RNF19A: variants seen among roughly 807,000 people sequenced by gnomAD.
The protein encoded by RNF19A is ring finger protein 19A, RBR E3 ubiquitin protein ligase, also known as E3 ubiquitin-protein ligase RNF19A.
RNF19A carries 32 observed loss-of-function variants against 75.7 expected under a neutral mutation model. The ratio of observed to expected loss-of-function variants is 0.42; its 90% CI spans 0.32 to 0.57. RNF19A has a LOEUF of 0.57. Ranked by LOEUF, RNF19A falls within the 20% of genes least tolerant of loss-of-function variation. The pLI is 0.10. For missense variants in RNF19A, 782 were observed against 1,036.3 expected (o/e 0.75, Z 3.37); for synonymous variants, 335 against 345.2 (o/e 0.97, Z 0.33).
At position 100,275,219 on chromosome 8, in the gene RNF19A, C is replaced by A. The variant is rs770154963; in HGVS notation, c.675-58G>T. On this transcript the variant is annotated intron_variant, in intron 2 of 9. Coordinates refer to ENST00000341084, the MANE Select transcript of RNF19A (RefSeq NM_183419.4). This position sits in a 1 kb window ranked among gnomAD's most constrained non-coding sequence, Gnocchi z 4.3. ...GACATAAAACAAGAGATACTCATTT[C>A]AAAAAGTATCCAACTAAAGATTATT... is the stretch of plus-strand genomic sequence containing the variant. 74 of 1,427,540 alleles carry A rather than the reference C, an allele frequency of 5.2e-5. No homozygotes were observed. The highest frequency in any genetic ancestry group is 7.0e-5 in the Non-Finnish European group (71 of 1,019,884). The allele number at this position is 1,427,540 out of a possible 1,614,324, so 88.4% of individuals were successfully genotyped here.
At position 100,275,616 on chromosome 8, in the gene RNF19A, A is replaced by G. The variant is rs190614836; in HGVS notation, c.675-455T>C. On this transcript the variant is annotated intron_variant, in intron 2 of 9. Transcript: ENST00000341084. The surrounding 1 kb of genome is among the most constrained non-coding windows in gnomAD (Gnocchi z 4.3). ...CCTAATCTCAATTTTATAAAAAACC[A>G]TATTAAATTAGTACAGTATTGTATG... is the stretch of plus-strand genomic sequence containing the variant. 1.1e-4 allele frequency among the ~76,000 whole-genome samples: 16 copies of G among 152,272 alleles called. No individual in the cohort carries two copies. The East Asian group carries it at 1.7e-3, about 17-fold the overall frequency.
rs1247053412 is a variant in RNF19A at position 100,268,824 on chromosome 8, A to G, written c.1152T>C (p.Pro384=). Residue 384 remains proline (P), a synonymous_variant, in exon 5 of 10, where the codon CCT becomes CCC. Transcript: ENST00000341084. The part of the protein sequence containing the change: ...GIALIAGIAI[P]AMIIGIPVYV... ...ACACAGGAATGCCAATAATCATTGC[A>G]GGAATAGCAATGCCAGCTATTAAAG... 2 of 1,592,280 alleles carry G rather than the reference A, an allele frequency of 1.3e-6. No homozygotes were observed. Among genetic ancestry groups the G allele is most frequent in the African/African-American group, 2.7e-5 (2 of 74,180 alleles).
intron 1 of RNF19A, among the ~76,000 whole-genome samples, chr8:100,315,668 T>C (rs1239496839): frequency 1.3e-5 from 2 of 152,176 alleles, no homozygotes; most frequent in Non-Finnish European, 2.9e-5. Context: ...GTTGTTGTTG[T>C]TGAGACAAGG....
chr8:100,293,970 CTGA>C (rs1296939287), intron 1 of RNF19A, among the ~76,000 whole-genome samples: 1 of 152,142 alleles, frequency 6.6e-6, no homozygotes, highest in Non-Finnish European at 1.5e-5. Flanking sequence ...TTCCATTTCT[CTGA>C]TGAGACTACC....
rs1393458300 is a variant in RNF19A, at chr8:100,329,371, G to A, written c.-243+6737C>T. The stretch of plus-strand genomic sequence containing the variant: ...AGCCATTCATGAGGGAAAAAAAAAA[G>A]ACTTGGGATTTTAATGTTCACAAGC... On this transcript the variant is annotated intron_variant, in intron 1 of 3. Coordinates refer to the RNF19A transcript ENST00000519527. The surrounding 1 kb of genome is among the most constrained non-coding windows in gnomAD (Gnocchi z 4.3). 2.0e-5 allele frequency among the ~76,000 whole-genome samples: 3 copies of A among 151,762 alleles called. No individual in the cohort carries two copies. Among genetic ancestry groups the A allele is most frequent in the Non-Finnish European group, 4.4e-5 (3 of 67,924 alleles).
chr8:100,290,283 G>T (rs1266865156), intron 1 of RNF19A, among the ~76,000 whole-genome samples: 1 of 152,122 alleles, frequency 6.6e-6, no homozygotes, highest in Admixed American at 6.5e-5. Context: ...TGTATTTTTA[G>T]TAGAGACAAG....
intron 2 of RNF19A, among the ~76,000 whole-genome samples, chr8:100,278,808 A>T (rs1820644849): frequency 1.3e-5 from 2 of 152,282 alleles, no homozygotes; most frequent in African/African-American, 2.4e-5. Context: ...AAAAAAAAGT[A>T]CTTCTTCTTG....
chr8:100,281,808 G>C (rs1820793637), intron 2 of RNF19A, among the ~76,000 whole-genome samples: 1 of 152,100 alleles, frequency 6.6e-6, no homozygotes. Context: ...AAAATTATTT[G>C]ATCCAGTTAA....
At chr8:100,262,642 G>C (rs1260299232) in intron 7 of RNF19A, among the ~76,000 whole-genome samples, 5 of 152,088 alleles carry the variant, frequency 3.3e-5, no homozygotes, top group African/African-American at 1.2e-4. Flanking sequence ...AAGCCACTGG[G>C]GAAGTTTTGA....
chr8:100,327,729 T>C (rs113440492), intron 1 of RNF19A, among the ~76,000 whole-genome samples: 1 of 152,274 alleles, frequency 6.6e-6, no homozygotes, highest in Non-Finnish European at 1.5e-5. Flanking sequence ...TAGGAAAACA[T>C]CCGGTTCCTC....
chr8:100,278,945 C>T (rs1285891538), intron 2 of RNF19A, among the ~76,000 whole-genome samples: 1 of 152,054 alleles, frequency 6.6e-6, no homozygotes, highest in Non-Finnish European at 1.5e-5. Flanking sequence ...AACCGTGGAC[C>T]TAAAGCATAT....
chr8:100,319,280 A>T (rs1822429797), intron 1 of RNF19A, among the ~76,000 whole-genome samples: 1 of 151,370 alleles, frequency 6.6e-6, no homozygotes, highest in South Asian at 2.1e-4. Flanking sequence ...TCCAGCAAGA[A>T]TATAAATTTT....
At chr8:100,328,027 C>T (rs558121898) in intron 1 of RNF19A, among the ~76,000 whole-genome samples, 2 of 152,286 alleles carry the variant, frequency 1.3e-5, no homozygotes, top group South Asian at 4.1e-4. Context: ...TCTGAGAACT[C>T]AGTTCTTTTA....
rs1820168285 is a variant in RNF19A, at chr8:100,269,819, T to C, written c.1028+50A>G. ...AAATTTAAGACAAGTTATTTTGTCT[T>C]ACAATATAAAATTACATTTACATAT... On this transcript the variant is annotated intron_variant, in intron 4 of 9. Transcript: ENST00000341084. This position sits in a 1 kb window ranked among gnomAD's most constrained non-coding sequence, Gnocchi z 5.7. 1.4e-6 allele frequency: 2 copies of C among 1,406,958 alleles called. No individual in the cohort carries two copies. The highest frequency in any genetic ancestry group is 2.4e-5 in the Admixed American group (1 of 41,126). 87.2% of individuals were successfully genotyped at this position (1,406,958 alleles called of 1,614,324 possible). A position where few individuals can be genotyped will look rare whatever the true frequency, so the allele number is the denominator to read the frequency against.
intron 1 of RNF19A, among the ~76,000 whole-genome samples, chr8:100,289,090 T>C (rs1821173244): frequency 6.6e-6 from 1 of 150,550 alleles, no homozygotes; most frequent in African/African-American, 2.4e-5. Context: ...CATATATATG[T>C]ATATGAGACT....
In RNF19A at chr8:100,309,869, T is replaced by C; in HGVS notation, c.-96A>G. 1.0e-6 allele frequency: 1 copy of C among 985,682 alleles called. No individual in the cohort carries two copies. Among genetic ancestry groups the C allele is most frequent in the South Asian group, 4.7e-5 (1 of 21,300 alleles). 61.1% of individuals were successfully genotyped at this position (985,682 alleles called of 1,614,324 possible). ...CTCCTCCGGGTGCCCGCCCGTACCT[T>C]TAACTCCTCAGAGCGGCGGCAGCGC... On this transcript the variant is annotated splice_region_variant and 5_prime_UTR_variant, in exon 1 of 10. Coordinates refer to ENST00000341084, the MANE Select transcript of RNF19A (RefSeq NM_183419.4).
In RNF19A at chr8:100,330,003, GT is replaced by G. The variant is rs1231753386; in HGVS notation, c.-243+6104del. Among the ~76,000 whole-genome samples the G allele has an allele frequency of 1.3e-5, 2 of 152,222 alleles. No homozygotes were observed. The highest frequency in any genetic ancestry group is 3.9e-4 in the East Asian group (2 of 5,188). On this transcript the variant is annotated intron_variant, in intron 1 of 3. Coordinates refer to the RNF19A transcript ENST00000519527. The surrounding 1 kb of genome is among the most constrained non-coding windows in gnomAD (Gnocchi z 4.1). ...ATGGTCATGTAAGGGATCCTAATTT[GT>G]TTTTTTGTGGGGGAGGCAGTGGGAG...
chr8:100,281,787 T>C (rs1450827628), intron 2 of RNF19A, among the ~76,000 whole-genome samples: 2 of 152,108 alleles, frequency 1.3e-5, no homozygotes, highest in Non-Finnish European at 1.5e-5. Flanking sequence ...GAAAATATAA[T>C]CAGAAATAGC....
chr8:100,293,173 G>A (rs1241216177), intron 1 of RNF19A, among the ~76,000 whole-genome samples: 2 of 152,226 alleles, frequency 1.3e-5, no homozygotes, highest in Admixed American at 1.3e-4. Flanking sequence ...GTTCCTAACA[G>A]GCCACACACT....
Sources: allele counts gnomAD v4.1 joint callset (sites outside exome capture counted in the v4.1 genomes callset), GRCh38; gene constraint gnomAD v4.1.1; non-coding constraint Gnocchi (gnomAD v3.1); transcripts MANE v1.5; gene names NCBI Gene and HGNC (gene_info 2026-07-23, HGNC 2026-07-21).